The following PCDHA4 variants were observed in gnomAD, a reference collection of about 807,000 sequenced individuals.
The protein encoded by PCDHA4 is protocadherin alpha 4.
In PCDHA4, 49 loss-of-function variants were observed where a neutral mutation model predicts 61.4. The ratio of observed to expected loss-of-function variants is 0.80; its 90% confidence interval spans 0.63 to 1.01. The LOEUF (loss-of-function observed/expected upper bound fraction) is 1.01, where lower values mean the gene tolerates loss of function less well. Among genes scored for constraint, PCDHA4 ranks in the 50% least tolerant of loss-of-function variants. The pLI is 0.00. For missense variants in PCDHA4, 1,254 were observed against 1,235.8 expected (o/e 1.01, Z -0.22); for synonymous variants, 590 against 550.3 (o/e 1.07, Z -1.01).
At chr5:140,883,331 T>C (rs782330597) in intron 1 of PCDHA4, 1 of 1,614,064 alleles carries the variant, frequency 6.2e-7, no homozygotes, top group East Asian at 2.2e-5. Flanking sequence ...CATCACTTCT[T>C]TGTCACTCCC....
intron 1 of PCDHA4, among the ~76,000 whole-genome samples, chr5:140,832,286 G>A (rs1312628580): frequency 6.6e-6 from 1 of 152,184 alleles, no homozygotes; most frequent in Non-Finnish European, 1.5e-5. Flanking sequence ...AGCATGAATG[G>A]TGTATTTGCC....
intron 1 of PCDHA4, chr5:140,883,738 C>T (rs149972776): frequency 2.5e-5 from 41 of 1,613,276 alleles, no homozygotes; most frequent in Non-Finnish European, 3.3e-5. Flanking sequence ...ACGCGCTGGT[C>T]TCCTACTCGC....
chr5:140,900,496 C>G (rs1476220010), intron 1 of PCDHA4, among the ~76,000 whole-genome samples: 2 of 152,212 alleles, frequency 1.3e-5, no homozygotes, highest in Admixed American at 6.5e-5. Flanking sequence ...AGACTGGTCT[C>G]AAATTCCCAG....
intron 1 of PCDHA4, among the ~76,000 whole-genome samples, chr5:140,917,163 G>A (rs948639951): frequency 6.6e-6 from 1 of 152,182 alleles, no homozygotes; most frequent in Admixed American, 6.5e-5. Flanking sequence ...ATATGGGAGG[G>A]GTGATGGTGG....
chr5:140,881,398 AT>A (rs1269168835), intron 1 of PCDHA4: 1 of 975,426 alleles, frequency 1.0e-6, no homozygotes, highest in Non-Finnish European at 1.2e-6. Context: ...GTTAAATTCT[AT>A]TAAATCAATA....
intron 1 of PCDHA4, chr5:140,817,062 T>A (rs1766058413): frequency 6.6e-6 from 1 of 152,202 alleles, no homozygotes; most frequent in Non-Finnish European, 1.5e-5. Flanking sequence ...GTGTGCTGTA[T>A]CACAGGTCCT....
chr5:140,836,667 GA>G (rs2150267239), intron 1 of PCDHA4: 7 of 1,613,396 alleles, frequency 4.3e-6, no homozygotes, highest in Non-Finnish European at 5.9e-6. Context: ...GTGCTCTGGG[GA>G]GGGCCCACCC....
chr5:140,919,613 A>G (rs993064588), intron 1 of PCDHA4, among the ~76,000 whole-genome samples: 1 of 152,270 alleles, frequency 6.6e-6, no homozygotes, highest in South Asian at 2.1e-4. Context: ...TTTAAACTGT[A>G]TCTTTTGAGT....
chr5:140,933,653 GTCTC>G (rs1245688430), intron 1 of PCDHA4, among the ~76,000 whole-genome samples: 3 of 151,982 alleles, frequency 2.0e-5, no homozygotes, highest in East Asian at 1.9e-4. Context: ...TGGAAATCCT[GTCTC>G]TCTCTCTGTC....
intron 1 of PCDHA4, among the ~76,000 whole-genome samples, chr5:140,961,629 A>G (rs970820292): frequency 6.6e-6 from 1 of 152,162 alleles, no homozygotes; most frequent in Non-Finnish European, 1.5e-5. Flanking sequence ...CATATGAAAA[A>G]CAATCTTAAG....
chr5:140,856,884 C>T, intron 1 of PCDHA4: 1 of 1,596,124 alleles, frequency 6.3e-7, no homozygotes. Context: ...ATGATGTATT[C>T]ATTTAGCTCT....
intron 1 of PCDHA4, among the ~76,000 whole-genome samples, chr5:140,964,480 C>T (rs2095835890): frequency 6.6e-6 from 1 of 152,122 alleles, no homozygotes; most frequent in Non-Finnish European, 1.5e-5. Flanking sequence ...GATTTTTTCA[C>T]AGTCACAGGT....
chr5:140,834,601 A>T (rs1377152360), intron 1 of PCDHA4: 1 of 1,613,930 alleles, frequency 6.2e-7, no homozygotes, highest in Non-Finnish European at 8.5e-7. Flanking sequence ...TTCCGTGGGG[A>T]TCTTCTGGAG....
In PCDHA4 at chr5:140,870,746, T is replaced by C. The variant is rs781831995; in HGVS notation, c.2385+61174T>C. 5.0e-6 allele frequency: 8 copies of C among 1,613,488 alleles called. No individual in the cohort carries two copies. The East Asian group carries it at 1.8e-4, about 36-fold the overall frequency. ...GGCGTGCCGCCTCTGAGCAGCAACG[T>C]GACGCTGCAGGTGTTCGTGCTGGAC... On this transcript the variant is annotated intron_variant, in intron 1 of 3. Transcript: ENST00000530339.
intron 3 of PCDHA4, among the ~76,000 whole-genome samples, chr5:141,008,894 A>G (rs782674482): frequency 9.9e-5 from 15 of 152,254 alleles, no homozygotes; most frequent in Non-Finnish European, 1.8e-4. Context: ...TGTTATTACA[A>G]TAAAATTAAG....
chr5:140,903,339 A>T (rs1176958912), intron 1 of PCDHA4, among the ~76,000 whole-genome samples: 1 of 152,206 alleles, frequency 6.6e-6, no homozygotes, highest in African/African-American at 2.4e-5. Context: ...GAAAGGATGC[A>T]TTTTAAAAAA....
chr5:140,858,041 C>A (rs1446194845), intron 1 of PCDHA4: 1 of 1,596,846 alleles, frequency 6.3e-7, no homozygotes, highest in East Asian at 2.2e-5. Context: ...GGCCACTGTG[C>A]TTGTGTCGCT....
intron 1 of PCDHA4, among the ~76,000 whole-genome samples, chr5:140,880,789 A>G (rs917582554): frequency 1.3e-5 from 2 of 152,230 alleles, no homozygotes; most frequent in African/African-American, 4.8e-5. Flanking sequence ...TAGAGGAGTA[A>G]TATAAATAGG....
intron 1 of PCDHA4, chr5:140,863,426 T>C: frequency 1.5e-6 from 1 of 661,760 alleles, no homozygotes; most frequent in Non-Finnish European, 2.7e-6. Context: ...CGCAGCGTAG[T>C]GGGATCTGGT....
Sources: allele counts gnomAD v4.1 joint callset (sites outside exome capture counted in the v4.1 genomes callset), GRCh38; gene constraint gnomAD v4.1.1; transcripts MANE v1.5; gene names NCBI Gene and HGNC (gene_info 2026-07-23, HGNC 2026-07-21).